Variants in PTPN11 observed in about 807,000 individuals in gnomAD.
The protein encoded by PTPN11 is protein tyrosine phosphatase non-receptor type 11.
In PTPN11, 6 loss-of-function variants were observed where a neutral mutation model predicts 78.8. The observed-to-expected ratio is 0.08, with a 90% CI of 0.04 to 0.15. The LOEUF is 0.15. Among genes scored for constraint, PTPN11 ranks in the 10% least tolerant of loss-of-function variants. The pLI, the probability that PTPN11 is intolerant of heterozygous loss-of-function variation, is 1.00. For missense variants in PTPN11, 386 were observed against 744.8 expected (o/e 0.52, Z 5.61); for synonymous variants, 221 against 263.5 (o/e 0.84, Z 1.56).
At chr12:112,460,205 C>T (rs1003584442) in intron 6 of PTPN11, among the ~76,000 whole-genome samples, 6 of 152,170 alleles carry the variant, frequency 3.9e-5, no homozygotes, top group African/African-American at 1.4e-4. Flanking sequence ...ACCTTGGCCT[C>T]CCAAAGTGCT....
intron 1 of PTPN11, among the ~76,000 whole-genome samples, chr12:112,439,472 T>C (rs2037847309): frequency 6.6e-6 from 1 of 151,854 alleles, no homozygotes; most frequent in African/African-American, 2.4e-5. Flanking sequence ...TTTTGTATTA[T>C]TATTATTATT....
intron 6 of PTPN11, among the ~76,000 whole-genome samples, chr12:112,459,827 C>T (rs1250775985): frequency 6.6e-6 from 1 of 151,616 alleles, no homozygotes; most frequent in Non-Finnish European, 1.5e-5. Context: ...AAAATTATAA[C>T]CTGAATAGCA....
At chr12:112,501,355 C>T (rs1258593664) in intron 13 of PTPN11, among the ~76,000 whole-genome samples, 1 of 152,166 alleles carries the variant, frequency 6.6e-6, no homozygotes, top group Non-Finnish European at 1.5e-5. Context: ...TGTGTGTTGG[C>T]TCATGCCTGT....
At chr12:112,457,774 T>A (rs2038185585) in intron 6 of PTPN11, among the ~76,000 whole-genome samples, 1 of 152,258 alleles carries the variant, frequency 6.6e-6, no homozygotes, top group African/African-American at 2.4e-5. Context: ...CCCATTGCAC[T>A]CTTCTATATC....
intron 1 of PTPN11, among the ~76,000 whole-genome samples, chr12:112,419,424 G>T (rs1395872309): frequency 6.6e-6 from 1 of 152,222 alleles, no homozygotes; most frequent in Non-Finnish European, 1.5e-5. Context: ...GGTGCCAGCG[G>T]CCAGGCTCAG....
At chr12:112,456,752 GC>G (rs1464834224) in intron 6 of PTPN11, among the ~76,000 whole-genome samples, 1 of 149,320 alleles carries the variant, frequency 6.7e-6, no homozygotes, top group Non-Finnish European at 1.5e-5. Context: ...ACGATACCAT[GC>G]CCATCTAATT....
chr12:112,454,749 A>G (rs1037538387), intron 5 of PTPN11, 69 bp downstream of exon 5: 2 of 1,128,698 alleles, frequency 1.8e-6, no homozygotes, highest in East Asian at 4.8e-5. Flanking sequence ...AGAATTTTGC[A>G]AACATACAGA....
chr12:112,444,213 C>G (rs2037954529), intron 1 of PTPN11, among the ~76,000 whole-genome samples: 1 of 152,140 alleles, frequency 6.6e-6, no homozygotes, highest in African/African-American at 2.4e-5. Context: ...TTTCTTTCAC[C>G]TTTTGGCTTT....
chr12:112,505,675 A>C (rs975137460), intron 15 of PTPN11, 150 bp from the exon 16 acceptor site: 16 of 151,798 alleles, frequency 1.1e-4, no homozygotes, highest in African/African-American at 1.7e-4. Flanking sequence ...AAAAAAAAAA[A>C]AAAAAACTCA....
intron 1 of PTPN11, among the ~76,000 whole-genome samples, chr12:112,440,788 G>A (rs1026180093): frequency 2.7e-5 from 4 of 150,554 alleles, no homozygotes; most frequent in African/African-American, 9.8e-5. Context: ...TGCCCAGGCT[G>A]GCCTCAAACT....
At position 112,456,080 on chromosome 12, in the gene PTPN11, CTG is replaced by C. The variant is rs2038155623; in HGVS notation, c.756+19_756+20del. 1.3e-6 allele frequency: 2 copies of C among 1,520,868 alleles called. No homozygotes were observed. The highest frequency in any genetic ancestry group is 1.8e-6 in the Non-Finnish European group (2 of 1,095,692). The allele number at this position is 1,520,868 out of a possible 1,614,324, so 94.2% of individuals were successfully genotyped here. The stretch of plus-strand genomic sequence containing the variant: ...GAATTTGAGGTAAGTTATTAAAAAA[CTG>C]TTTTTACGTGAGTTGTTATATCCTA... On this transcript the variant is annotated intron_variant, in intron 6 of 15. Transcript: ENST00000351677.
At chr12:112,449,947 C>T (rs2038055021) in intron 2 of PTPN11, among the ~76,000 whole-genome samples, 2 of 152,134 alleles carry the variant, frequency 1.3e-5, no homozygotes, top group South Asian at 4.2e-4. Flanking sequence ...TTCCTGTAAT[C>T]CCAGCTTCTT....
chr12:112,445,195 G>A (rs561027050), intron 1 of PTPN11, among the ~76,000 whole-genome samples: 3 of 152,078 alleles, frequency 2.0e-5, no homozygotes, highest in Non-Finnish European at 4.4e-5. Flanking sequence ...ACAGTGGCAC[G>A]ATCATGGCTC....
intron 1 of PTPN11, among the ~76,000 whole-genome samples, chr12:112,442,828 TTTTA>T (rs1183688865): frequency 1.1e-4 from 6 of 54,988 alleles, no homozygotes; most frequent in African/African-American, 4.4e-4. Context: ...CTCTCTCTCT[TTTTA>T]TATATATATA....
chr12:112,420,982 C>T (rs988744085), intron 1 of PTPN11, among the ~76,000 whole-genome samples: 3 of 152,116 alleles, frequency 2.0e-5, no homozygotes, highest in Non-Finnish European at 2.9e-5. Flanking sequence ...AGACATCAGA[C>T]GGGGCTGGGG....
chr12:112,479,943 C>A (rs572342890), intron 9 of PTPN11, among the ~76,000 whole-genome samples: 1 of 152,302 alleles, frequency 6.6e-6, no homozygotes, highest in South Asian at 2.1e-4. Context: ...TCTCCACAGA[C>A]CTTTCTGACA....
rs564158737 is a variant in PTPN11 at position 112,423,313 on chromosome 12, T to G, written c.14+4188T>G. Among the ~76,000 whole-genome samples the G allele has an allele frequency of 4.6e-5, 7 of 151,790 alleles. No individual in the cohort carries two copies. In the South Asian group the frequency reaches 1.5e-3, roughly 32 times the overall value. On this transcript the variant is annotated intron_variant, in intron 1 of 15. Transcript: ENST00000351677. Reference sequence around the variant, plus strand: ...GAAATTTTTTTTTTTTGAAATAGAGTCTTACTCAGTCACCCAGGCTGGAGT... The same window carrying G: ...GAAATTTTTTTTTTTTGAAATAGAGGCTTACTCAGTCACCCAGGCTGGAGT...
chr12:112,430,604 C>CT (rs112147637), intron 1 of PTPN11, among the ~76,000 whole-genome samples: 335 of 143,208 alleles, frequency 2.3e-3, no homozygotes, highest in East Asian at 2.4e-3. Context: ...AATTACAAAA[C>CT]TTTTTTTTTT....
chr12:112,502,326 A>C, intron 14 of PTPN11, 70 bp downstream of exon 14: 1 of 1,305,402 alleles, frequency 7.7e-7, no homozygotes, highest in Non-Finnish European at 1.1e-6. Context: ...AAACAAAAAC[A>C]AAAACAAAAC....
Sources: allele counts gnomAD v4.1 joint callset (sites outside exome capture counted in the v4.1 genomes callset), GRCh38; gene constraint gnomAD v4.1.1; transcripts MANE v1.5; gene names NCBI Gene and HGNC (gene_info 2026-07-23, HGNC 2026-07-21).